The following DEPDC5 variants were observed in gnomAD, a reference collection of about 807,000 sequenced individuals.
DEPDC5 encodes the protein DEP domain containing 5, GATOR1 subcomplex subunit.
DEPDC5 carries 73 observed loss-of-function variants against 217.3 expected under a neutral mutation model. The observed-to-expected ratio is 0.34, with a 90% CI of 0.28 to 0.41. The LOEUF (loss-of-function observed/expected upper bound fraction) is 0.41, where lower values mean the gene tolerates loss of function less well. DEPDC5 is among the 10% of genes least tolerant of loss of function. The pLI is 1.00. For synonymous variants in DEPDC5, 733 were observed against 756.7 expected, an observed-to-expected ratio of 0.97 and a Z score of 0.51; for missense variants, 1,675 against 2,070.1, an observed-to-expected ratio of 0.81 and a Z score of 3.70.
intron 26 of DEPDC5, among the ~76,000 whole-genome samples, chr22:31,837,952 C>T (rs969747479): frequency 4.0e-5 from 6 of 151,836 alleles, no homozygotes; most frequent in African/African-American, 1.5e-4. Context: ...ATCCACCCAC[C>T]TCGGCCTCCC....
intron 38 of DEPDC5, 174 bp downstream of exon 38, chr22:31,879,926 A>G: frequency 1.5e-6 from 1 of 654,118 alleles, no homozygotes. Flanking sequence ...CCACTTGCCG[A>G]GTGGTTTTAT....
At chr22:31,903,629 ACCCCCCACCTTCCACACCTAAAG>A (rs1479210863) in intron 41 of DEPDC5, among the ~76,000 whole-genome samples, 1 of 9,138 alleles carries the variant, frequency 1.1e-4, no homozygotes, top group Non-Finnish European at 2.2e-4. Flanking sequence ...CCACACCTAA[ACCCCCCACCTTCCACACCTAAAG>A]CCCCCCACCT....
chr22:31,813,287 C>G (rs544426717), intron 20 of DEPDC5, among the ~76,000 whole-genome samples: 1 of 152,238 alleles, frequency 6.6e-6, no homozygotes, highest in Admixed American at 6.5e-5. Context: ...TAAAAATGCT[C>G]TCATAGTTCA....
At chr22:31,814,943 A>G in intron 20 of DEPDC5, 49 bp from the exon 21 acceptor site, 2 of 1,605,290 alleles carry the variant, frequency 1.2e-6, no homozygotes, top group Non-Finnish European at 1.7e-6. Flanking sequence ...AACTCAAGGT[A>G]GGACAGCATC....
chr22:31,822,559 G>A, intron 23 of DEPDC5, 134 bp from the exon 24 acceptor site: 1 of 766,002 alleles, frequency 1.3e-6, no homozygotes. Flanking sequence ...GATTCCAGTG[G>A]CTGCCAGCTT....
intron 38 of DEPDC5, among the ~76,000 whole-genome samples, chr22:31,885,025 C>T (rs2093272007): frequency 6.6e-6 from 1 of 152,192 alleles, no homozygotes; most frequent in Non-Finnish European, 1.5e-5. Context: ...CCACCTTCAT[C>T]TTCTGTCTGC....
At chr22:31,781,304 ATTAT>A (rs966983101) in intron 8 of DEPDC5, among the ~76,000 whole-genome samples, 1 of 152,032 alleles carries the variant, frequency 6.6e-6, no homozygotes, top group Non-Finnish European at 1.5e-5. Context: ...CATTAAATTA[ATTAT>A]TTTTGAGATT....
Position 31,804,185 on chromosome 22 carries a change from A to C in DEPDC5, c.1105A>C (p.Met369Leu). The C allele has an allele frequency of 1.2e-6, 2 of 1,614,128 alleles. No homozygotes were observed. The highest frequency in any genetic ancestry group is 1.7e-6 in the Non-Finnish European group (2 of 1,180,020). Residue 369 changes from methionine to leucine, a missense_variant, in exon 16 of 43, where the codon ATG (methionine) becomes CTG (leucine). Coordinates refer to ENST00000651528, the MANE Select transcript of DEPDC5 (RefSeq NM_001242896.3). ...DNGIGVDLVC[M>L]GEQPLHAVPL... ...AGGAATTGGTGTGGATTTGGTGTGC[A>C]TGGGAGAGCAACCGTTACATGCTGT... is the stretch of plus-strand genomic sequence containing the variant.
Position 31,758,580 on chromosome 22 carries a change from T to C in DEPDC5, c.93T>C (p.Pro31=). Residue 31 remains proline, a synonymous_variant, in exon 3 of 43, where the codon CCT becomes CCC. Transcript: ENST00000651528. The stretch of plus-strand genomic sequence containing the variant: ...TAGTTGTGAACCCCAAAGTGTTCCC[T>C]CACATCAAGCTTGGAGACATTGTAG... ...DELVVNPKVF[P]HIKLGDIVEI... 1 of 1,614,174 alleles carries C rather than the reference T, an allele frequency of 6.2e-7. No individual in the cohort carries two copies. Among genetic ancestry groups the C allele is most frequent in the Non-Finnish European group, 8.5e-7 (1 of 1,180,036 alleles).
rs751143978 is a variant in DEPDC5 at position 31,810,606 on chromosome 22, C to T, written c.1410C>T (p.Pro470=). Residue 470 remains proline (P), a synonymous_variant, in exon 20 of 43, where the codon CCC becomes CCT. Transcript: ENST00000651528. ...DAYDAQVFRL[P]GPSRAQCLTT... is the part of the protein sequence containing the mutation. ...ATGACGCTCAAGTGTTCAGGCTGCC[C>T]GGCCCATCCCGGGCCCAGTGCCTCA... 1.5e-5 allele frequency: 25 copies of T among 1,614,044 alleles called. No homozygotes were observed. Among genetic ancestry groups the T allele is most frequent in the South Asian group, 9.9e-5 (9 of 91,084 alleles).
chr22:31,897,700 G>A lies in DEPDC5; in HGVS notation c.4375+47G>A, dbSNP rs139987190. 155 of 1,597,902 alleles carry A rather than the reference G, an allele frequency of 9.7e-5. No individual in the cohort carries two copies. The East Asian group carries it at 2.3e-3, about 24-fold the overall frequency. On this transcript the variant is annotated intron_variant, in intron 40 of 42. Coordinates refer to ENST00000651528, the MANE Select transcript of DEPDC5 (RefSeq NM_001242896.3). ...AGGTTGTCTCAACCAGTAAGACCCC[G>A]TCCCTAACAAGGACACCACTCTGGG...
chr22:31,873,062 T>G (rs1450213912), intron 34 of DEPDC5, 193 bp from the exon 35 acceptor site: 1 of 1,122,402 alleles, frequency 8.9e-7, no homozygotes, highest in Non-Finnish European at 1.2e-6. Flanking sequence ...GCCCTAAATG[T>G]GTATATTTTA....
At chr22:31,884,816 C>T (rs1318217424) in intron 38 of DEPDC5, among the ~76,000 whole-genome samples, 4 of 152,302 alleles carry the variant, frequency 2.6e-5, no homozygotes, top group South Asian at 2.1e-4. Context: ...CCAGCTAGCC[C>T]TGCTGTTTCC....
At chr22:31,822,829 A>G in intron 24 of DEPDC5, 39 bp downstream of exon 24, 51 of 1,594,838 alleles carry the variant, frequency 3.2e-5, no homozygotes, top group Non-Finnish European at 4.4e-5. Flanking sequence ...GGATGTTTAG[A>G]TCAGGCTCAC....
intron 40 of DEPDC5, among the ~76,000 whole-genome samples, chr22:31,901,174 C>T (rs2093641806): frequency 6.6e-6 from 1 of 151,648 alleles, no homozygotes; most frequent in Admixed American, 6.6e-5. Flanking sequence ...ACCCGGCAGG[C>T]CGAGGTTGCA....
At chr22:31,762,303 A>C (rs1351625736) in intron 4 of DEPDC5, among the ~76,000 whole-genome samples, 1 of 152,258 alleles carries the variant, frequency 6.6e-6, no homozygotes, top group Non-Finnish European at 1.5e-5. Context: ...GTCTAGGCGT[A>C]GCCAGAAGCA....
At chr22:31,861,609 G>A (rs968229470) in intron 33 of DEPDC5, among the ~76,000 whole-genome samples, 176 bp downstream of exon 33, 1 of 152,210 alleles carries the variant, frequency 6.6e-6, no homozygotes, top group Non-Finnish European at 1.5e-5. Context: ...GCGGCGAAGG[G>A]GGGGATGGAA....
intron 2 of DEPDC5, among the ~76,000 whole-genome samples, chr22:31,756,009 A>T (rs1481723080): frequency 6.7e-6 from 1 of 149,448 alleles, no homozygotes; most frequent in Non-Finnish European, 1.5e-5. Flanking sequence ...AGTAGCTGGG[A>T]CTACAGGTGC....
At chr22:31,860,584 G>A (rs1422922829) in intron 32 of DEPDC5, among the ~76,000 whole-genome samples, 1 of 152,136 alleles carries the variant, frequency 6.6e-6, no homozygotes, top group Non-Finnish European at 1.5e-5. Flanking sequence ...TCACAGACAT[G>A]GCTGCTTGAA....
Sources: allele counts gnomAD v4.1 joint callset (sites outside exome capture counted in the v4.1 genomes callset), GRCh38; gene constraint gnomAD v4.1.1; transcripts MANE v1.5; gene names NCBI Gene and HGNC (gene_info 2026-07-23, HGNC 2026-07-21).